The following PACRG variants were observed in gnomAD, a reference collection of about 807,000 sequenced individuals.
PACRG encodes parkin coregulated gene protein.
In PACRG, 29 loss-of-function variants were observed where a neutral mutation model predicts 29.7. The ratio of observed to expected loss-of-function variants is 0.98; its 90% CI spans 0.73 to 1.33. The LOEUF (loss-of-function observed/expected upper bound fraction) is 1.33. Among genes scored for constraint, PACRG ranks in the 40% most tolerant of loss-of-function variants. The pLI, the probability that PACRG is intolerant of heterozygous loss-of-function variation, is 0.00. For synonymous variants in PACRG, 116 were observed against 118.7 expected, an observed-to-expected ratio of 0.98 and a Z score of 0.15; for missense variants, 279 against 316.2, an observed-to-expected ratio of 0.88 and a Z score of 0.89.
chr6:162,729,214 T>G (rs1340317342), intron 1 of PACRG, among the ~76,000 whole-genome samples: 5 of 152,200 alleles, frequency 3.3e-5, no homozygotes, highest in African/African-American at 1.2e-4. Flanking sequence ...TGCTACTGAG[T>G]AAGCAACTGT....
At chr6:163,294,011 A>G (rs1402658175) in intron 4 of PACRG, among the ~76,000 whole-genome samples, 1 of 152,144 alleles carries the variant, frequency 6.6e-6, no homozygotes, top group African/African-American at 2.4e-5. Flanking sequence ...TAGCTCCAAT[A>G]GCAATTACAG....
At chr6:162,908,071 G>C (rs925659) in intron 2 of PACRG, among the ~76,000 whole-genome samples, 8,488 of 152,168 alleles carry the variant, frequency 0.056, 825 homozygotes, top group African/African-American at 0.19. Context: ...TGCAATTTGG[G>C]TATGTAACCA....
intron 4 of PACRG, among the ~76,000 whole-genome samples, chr6:163,207,432 A>G (rs1780952036): frequency 6.6e-6 from 1 of 152,208 alleles, no homozygotes; most frequent in South Asian, 2.1e-4. Context: ...AAATAAACAC[A>G]TCCTCAAGAA....
intron 4 of PACRG, among the ~76,000 whole-genome samples, chr6:163,179,577 G>C (rs1047752924): frequency 6.6e-6 from 1 of 151,982 alleles, no homozygotes; most frequent in Admixed American, 6.6e-5. Context: ...GTGTTGGCAC[G>C]TGCCTGTAGT....
rs771141125 is a variant in PACRG at position 162,958,868 on chromosome 6, TATATATATATATATATAGAGAGAGAG to T, written c.292-103280_292-103255del. ...TATAGAGCATATATATATATATATA[TATATATATATATATATAGAGAGAGAG>T]AGAGAGAGAGAGAGAGAGAGAGAGA... On this transcript the variant is annotated intron_variant, in intron 2 of 4. Transcript: ENST00000366888. Among the ~76,000 whole-genome samples the T allele has an allele frequency of 2.1e-3, 154 of 72,668 alleles. 1 individual carries two copies. The highest frequency in any genetic ancestry group is 5.9e-3 in the East Asian group (14 of 2,374). The allele number at this position is 72,668 out of a possible 152,430, so 47.7% of individuals were successfully genotyped here. A position where few individuals can be genotyped will look rare whatever the true frequency, so the allele number is the denominator to read the frequency against.
In PACRG at chr6:163,043,550, T is replaced by TA. The variant is rs550900303; in HGVS notation, c.292-18588dup. Among the ~76,000 whole-genome samples, 827 of 145,520 alleles carry TA rather than the reference T, an allele frequency of 5.7e-3. 5 individuals carry two copies. The highest frequency in any genetic ancestry group is 0.019 in the African/African-American group (739 of 39,818). On this transcript the variant is annotated intron_variant, in intron 2 of 4. Coordinates refer to ENST00000366888, the MANE Select transcript of PACRG (RefSeq NM_001080379.2). ...CTGGGTGACAGAGCAAGACTCCGTC[T>TA]AAAAAAAAAAAATCATCAGTTCGAG... is the stretch of plus-strand genomic sequence containing the variant.
intron 4 of PACRG, among the ~76,000 whole-genome samples, chr6:163,277,212 TG>T (rs1341363266): frequency 6.6e-6 from 1 of 151,858 alleles, no homozygotes; most frequent in Non-Finnish European, 1.5e-5. Context: ...TCACCTGAGC[TG>T]TGTACACTGT....
intron 1 of PACRG, among the ~76,000 whole-genome samples, chr6:162,764,292 G>A (rs1782610114): frequency 6.6e-6 from 1 of 151,726 alleles, no homozygotes; most frequent in Admixed American, 6.6e-5. Flanking sequence ...GGGGGGAGGG[G>A]GAGTTGCTCC....
chr6:162,890,194 G>A (rs1794653321), intron 2 of PACRG, among the ~76,000 whole-genome samples: 1 of 152,098 alleles, frequency 6.6e-6, no homozygotes, highest in African/African-American at 2.4e-5. Flanking sequence ...CCTTCCCATG[G>A]GTTCTTTCTA....
At chr6:163,007,818 G>A (rs1341349004) in intron 2 of PACRG, among the ~76,000 whole-genome samples, 1 of 152,152 alleles carries the variant, frequency 6.6e-6, no homozygotes, top group African/African-American at 2.4e-5. Flanking sequence ...GGATTTTCCT[G>A]AGAGTTCTTC....
chr6:162,945,398 C>A (rs1798930640), intron 2 of PACRG, among the ~76,000 whole-genome samples: 1 of 151,602 alleles, frequency 6.6e-6, no homozygotes, highest in Admixed American at 6.6e-5. Context: ...TAAAAAACAG[C>A]AAAAAATGAA....
chr6:162,997,519 G>A, intron 2 of PACRG: 2 of 420,914 alleles, frequency 4.8e-6, no homozygotes, highest in Non-Finnish European at 4.7e-6. Flanking sequence ...GAATAATGCT[G>A]GAAATTGGAA....
chr6:163,288,786 T>A (rs1784483579), intron 4 of PACRG, among the ~76,000 whole-genome samples: 1 of 152,194 alleles, frequency 6.6e-6, no homozygotes, highest in East Asian at 1.9e-4. Context: ...GACCATAAAT[T>A]AGTTCTACAG....
intron 1 of PACRG, among the ~76,000 whole-genome samples, chr6:162,779,823 T>C (rs112056328): frequency 3.9e-5 from 6 of 152,194 alleles, no homozygotes; most frequent in African/African-American, 1.4e-4. Flanking sequence ...ACAAGACGTA[T>C]GAAACAATGA....
At position 162,816,376 on chromosome 6, in the gene PACRG, G is replaced by A. The variant is rs1054043309; in HGVS notation, c.291+2095G>A. On this transcript the variant is annotated intron_variant, in intron 2 of 4. Coordinates refer to ENST00000366888, the MANE Select transcript of PACRG (RefSeq NM_001080379.2). Reference sequence around the variant, plus strand: ...ATTTTATTTATTTATTTTTTGAGACGGAGTCTCGCTCTGTCCCCCAGGCTA... The same window carrying A: ...ATTTTATTTATTTATTTTTTGAGACAGAGTCTCGCTCTGTCCCCCAGGCTA... 3.3e-5 allele frequency among the ~76,000 whole-genome samples: 5 copies of A among 151,884 alleles called. No individual in the cohort carries two copies. In the South Asian group the frequency reaches 6.2e-4, roughly 19 times the overall value.
chr6:163,136,506 A>G (rs1240437537), intron 4 of PACRG, among the ~76,000 whole-genome samples: 4 of 152,260 alleles, frequency 2.6e-5, no homozygotes, highest in African/African-American at 9.6e-5. Context: ...CTTCAGAAAC[A>G]AAGTGCATAT....
chr6:163,044,933 T>C (rs553585631), intron 2 of PACRG, among the ~76,000 whole-genome samples: 3 of 152,386 alleles, frequency 2.0e-5, no homozygotes, highest in African/African-American at 7.2e-5. Flanking sequence ...AGTATAACTA[T>C]AATTAGATAA....
chr6:163,151,586 G>A (rs7758571), intron 4 of PACRG, among the ~76,000 whole-genome samples: 23,588 of 152,086 alleles, frequency 0.16, 1,828 homozygotes, highest in African/African-American at 0.17. Flanking sequence ...ATTTGTCCTC[G>A]ATAGGAAAAT....
chr6:163,285,851 G>C (rs1285322616), intron 4 of PACRG, among the ~76,000 whole-genome samples: 1 of 152,126 alleles, frequency 6.6e-6, no homozygotes, highest in Non-Finnish European at 1.5e-5. Context: ...CATCCGCCTC[G>C]ACCGGTTTGA....
Sources: gnomAD v4.1 joint callset for allele counts (sites outside exome capture counted in the v4.1 genomes callset) on GRCh38, gnomAD v4.1.1 for gene constraint, MANE v1.5 for transcripts, NCBI Gene and HGNC (gene_info 2026-07-23, HGNC 2026-07-21) for gene names.